Variants in PTPN4 observed in about 807,000 individuals in gnomAD.
PTPN4 encodes the protein tyrosine-protein phosphatase non-receptor type 4.
In PTPN4, 49 loss-of-function variants were observed where a neutral mutation model predicts 135.5. The ratio of observed to expected loss-of-function variants is 0.36; its 90% CI spans 0.29 to 0.46. The LOEUF is 0.46. PTPN4 is among the 20% of genes least tolerant of loss of function. PTPN4 has a pLI of 1.00. For missense variants in PTPN4, 860 were observed against 1,101.0 expected (o/e 0.78, Z 3.10); for synonymous variants, 333 against 369.9 (o/e 0.90, Z 1.14).
intron 22 of PTPN4, among the ~76,000 whole-genome samples, chr2:119,959,896 G>A (rs1216068141): frequency 6.6e-6 from 1 of 151,924 alleles, no homozygotes; most frequent in African/African-American, 2.4e-5. Context: ...ATATTTTCTT[G>A]TATATTTATA....
chr2:119,807,840 A>G (rs935980132), intron 1 of PTPN4, among the ~76,000 whole-genome samples: 1 of 152,200 alleles, frequency 6.6e-6, no homozygotes, highest in African/African-American at 2.4e-5. Flanking sequence ...AATACTGGCA[A>G]ACTGAATCTA....
rs769625477 is a variant in PTPN4 at position 119,957,095 on chromosome 2, A to G, written c.2133+18A>G. ...ATATAAATGTAAGTTTATTCTTATTATGCCTTTGCCATTTGGAAAAATACG... is the reference window on the plus strand; with the variant it reads ...ATATAAATGTAAGTTTATTCTTATTGTGCCTTTGCCATTTGGAAAAATACG... On this transcript the variant is annotated intron_variant, in intron 22 of 26. Transcript: ENST00000263708. 5 of 1,588,510 alleles carry G rather than the reference A, an allele frequency of 3.1e-6. No individual in the cohort carries two copies. Among genetic ancestry groups the G allele is most frequent in the Middle Eastern group, 2.2e-4 (1 of 4,646 alleles).
chr2:119,773,965 A>G (rs992629210), intron 1 of PTPN4, among the ~76,000 whole-genome samples: 2 of 152,184 alleles, frequency 1.3e-5, no homozygotes, highest in African/African-American at 2.4e-5. Flanking sequence ...AAAATTAACC[A>G]TCTTACATAA....
At chr2:119,870,367 T>C (rs1677892878) in intron 3 of PTPN4, among the ~76,000 whole-genome samples, 1 of 152,144 alleles carries the variant, frequency 6.6e-6, no homozygotes, top group Non-Finnish European at 1.5e-5. Context: ...AGACACACCA[T>C]GCTCATAATG....
intron 15 of PTPN4, among the ~76,000 whole-genome samples, chr2:119,943,518 G>A (rs1035945258): frequency 1.3e-5 from 2 of 151,416 alleles, no homozygotes; most frequent in African/African-American, 2.4e-5. Context: ...TTGGGACATG[G>A]CTAGTCTCAT....
chr2:119,778,330 G>C (rs2104926194), intron 1 of PTPN4, among the ~76,000 whole-genome samples: 1 of 152,186 alleles, frequency 6.6e-6, no homozygotes, highest in African/African-American at 2.4e-5. Context: ...GTAGTTCTTT[G>C]ACTCACTAAA....
At chr2:119,875,693 T>A (rs1430918644) in intron 3 of PTPN4, among the ~76,000 whole-genome samples, 2 of 152,212 alleles carry the variant, frequency 1.3e-5, no homozygotes, top group African/African-American at 4.8e-5. Context: ...CTTTGCTTAC[T>A]TTCTTATTTT....
chr2:119,983,894 A>C lies in PTPN4; in HGVS notation c.*6824A>C, dbSNP rs555269089. Reference sequence around the variant, plus strand: ...TGCTTTGGATTTTTTTGTGCATCACATGAATACTTAGAAATCCATTTGTTT... The same window carrying C: ...TGCTTTGGATTTTTTTGTGCATCACCTGAATACTTAGAAATCCATTTGTTT... On this transcript the variant is annotated 3_prime_UTR_variant, in exon 27 of 27. Coordinates refer to ENST00000263708, the MANE Select transcript of PTPN4 (RefSeq NM_002830.4). 1 of 152,310 alleles carries C rather than the reference A, an allele frequency of 6.6e-6. No homozygotes were observed. The highest frequency in any genetic ancestry group is 6.5e-5 in the Admixed American group (1 of 15,298). The allele number at this position is 152,310 out of a possible 1,614,324, so 9.4% of individuals were successfully genotyped here. A position where few individuals can be genotyped will look rare whatever the true frequency, so the allele number is the denominator to read the frequency against.
At position 119,893,442 on chromosome 2, in the gene PTPN4, G is replaced by T. The variant is rs544033159; in HGVS notation, c.676-7276G>T. On this transcript the variant is annotated intron_variant, in intron 9 of 26. Coordinates refer to ENST00000263708, the MANE Select transcript of PTPN4 (RefSeq NM_002830.4). ...TGGGACATGTTAAATTTGAAGAGAC[G>T]TAAATCCTCACGAAAGAGGGGTAGG... is the stretch of plus-strand genomic sequence containing the variant. 3.3e-5 allele frequency among the ~76,000 whole-genome samples: 5 copies of T among 152,296 alleles called. No homozygotes were observed. In the East Asian group the frequency reaches 9.6e-4, roughly 29 times the overall value.
rs1461440184 is a variant in PTPN4 at position 119,982,834 on chromosome 2, G to A, written c.*5764G>A. On this transcript the variant is annotated 3_prime_UTR_variant, in exon 27 of 27. Transcript: ENST00000263708. Reference sequence around the variant, plus strand: ...TGCTTTTTGCCTTTTTATTCCCAATGTCTTGGACAGTTGAGACAACTTGGC... The same window carrying A: ...TGCTTTTTGCCTTTTTATTCCCAATATCTTGGACAGTTGAGACAACTTGGC... 2 of 152,128 alleles carry A rather than the reference G, an allele frequency of 1.3e-5. No individual in the cohort carries two copies. Among genetic ancestry groups the A allele is most frequent in the African/African-American group, 2.4e-5 (1 of 41,424 alleles). 9.4% of individuals were successfully genotyped at this position (152,128 alleles called of 1,614,324 possible). A position where few individuals can be genotyped will look rare whatever the true frequency, so the allele number is the denominator to read the frequency against.
intron 10 of PTPN4, among the ~76,000 whole-genome samples, chr2:119,912,518 C>G (rs1032329201): frequency 6.6e-6 from 1 of 152,074 alleles, no homozygotes; most frequent in East Asian, 1.9e-4. Context: ...CTTTCCAAAA[C>G]CATGTGAAAG....
intron 10 of PTPN4, among the ~76,000 whole-genome samples, chr2:119,906,995 T>C (rs1678499050): frequency 6.6e-6 from 1 of 152,194 alleles, no homozygotes; most frequent in Non-Finnish European, 1.5e-5. Flanking sequence ...TACAAACATC[T>C]GTTACGTTTC....
At chr2:119,845,079 C>A (rs1175884302) in intron 2 of PTPN4, among the ~76,000 whole-genome samples, 1 of 149,572 alleles carries the variant, frequency 6.7e-6, no homozygotes, top group African/African-American at 2.5e-5. Context: ...AGCGAAACCC[C>A]GTCTCCACCA....
intron 18 of PTPN4, among the ~76,000 whole-genome samples, chr2:119,948,371 TA>T (rs917481848): frequency 1.7e-4 from 26 of 152,222 alleles, no homozygotes; most frequent in Middle Eastern, 3.4e-3. Context: ...AATAGTTTCT[TA>T]ACAGTCTTAT....
intron 2 of PTPN4, among the ~76,000 whole-genome samples, chr2:119,859,957 G>A (rs1677737527): frequency 6.6e-6 from 1 of 152,030 alleles, no homozygotes; most frequent in South Asian, 2.1e-4. Context: ...GGCTTTTCTT[G>A]GGCTCTTTCA....
intron 2 of PTPN4, among the ~76,000 whole-genome samples, chr2:119,820,224 A>G (rs1475589477): frequency 1.3e-5 from 2 of 152,190 alleles, no homozygotes; most frequent in Non-Finnish European, 2.9e-5. Flanking sequence ...ATAATCATTT[A>G]AATATTTTTG....
At chr2:119,883,666 A>C (rs1558754241) in intron 8 of PTPN4, among the ~76,000 whole-genome samples, 1 of 152,166 alleles carries the variant, frequency 6.6e-6, no homozygotes, top group Non-Finnish European at 1.5e-5. Flanking sequence ...ATTACTTACT[A>C]TCTTATAACC....
chr2:119,843,218 C>CTTTTTTTT (rs779045976), intron 2 of PTPN4, among the ~76,000 whole-genome samples: 10 of 107,284 alleles, frequency 9.3e-5, no homozygotes, highest in African/African-American at 1.4e-4. Context: ...ATGCATTTTT[C>CTTTTTTTT]TTTTTTTTTT....
intron 13 of PTPN4, chr2:119,932,214 C>T (rs943012612): frequency 1.2e-5 from 4 of 347,024 alleles, no homozygotes; most frequent in Admixed American, 4.7e-5. Context: ...CTCTTCCTAG[C>T]CTGTCTTACC....
Sources: gnomAD v4.1 joint callset for allele counts (sites outside exome capture counted in the v4.1 genomes callset) on GRCh38, gnomAD v4.1.1 for gene constraint, MANE v1.5 for transcripts, NCBI Gene and HGNC (gene_info 2026-07-23, HGNC 2026-07-21) for gene names.